Variants in DCLK1 observed in about 807,000 individuals in gnomAD.
DCLK1 encodes serine/threonine-protein kinase DCLK1.
Under a neutral mutation model 86.2 loss-of-function variants are expected in DCLK1, and 16 were observed. The observed-to-expected ratio is 0.19, with a 90% confidence interval of 0.13 to 0.28. DCLK1 has a LOEUF of 0.28. Among genes scored for constraint, DCLK1 ranks in the 10% least tolerant of loss-of-function variants. The pLI, the probability that DCLK1 is intolerant of heterozygous loss-of-function variation, is 1.00. For synonymous variants in DCLK1, 369 were observed against 370.5 expected (o/e 1.00, Z 0.05); for missense variants, 590 against 940.2 (o/e 0.63, Z 4.87).
intron 4 of DCLK1, among the ~76,000 whole-genome samples, chr13:35,876,466 TCCAA>T (rs1872598381): frequency 6.6e-6 from 1 of 152,128 alleles, no homozygotes; most frequent in African/African-American, 2.4e-5. Context: ...AAACAAAAAC[TCCAA>T]CCATCTTTCC....
intron 3 of DCLK1, among the ~76,000 whole-genome samples, chr13:36,005,176 G>A (rs1283912460): frequency 6.6e-6 from 1 of 152,044 alleles, no homozygotes; most frequent in Non-Finnish European, 1.5e-5. Context: ...TTTCACATGT[G>A]TCCTGAAACA....
intron 3 of DCLK1, among the ~76,000 whole-genome samples, chr13:35,950,152 C>A (rs148912401): frequency 1.2e-4 from 19 of 152,306 alleles, no homozygotes; most frequent in African/African-American, 4.1e-4. Context: ...CAGTAGATCA[C>A]ATTCAACTTT....
At chr13:36,040,766 T>C (rs980881977) in intron 3 of DCLK1, among the ~76,000 whole-genome samples, 7 of 152,086 alleles carry the variant, frequency 4.6e-5, no homozygotes, top group African/African-American at 1.7e-4. Context: ...TACTACCTAT[T>C]CAATCTATTT....
intron 5 of DCLK1, among the ~76,000 whole-genome samples, chr13:35,858,339 G>C (rs1871194854): frequency 6.6e-6 from 1 of 152,194 alleles, no homozygotes; most frequent in Non-Finnish European, 1.5e-5. Flanking sequence ...AGGACAGAGA[G>C]TTTGGACACT....
intron 2 of DCLK1, 51 bp from the exon 3 acceptor site, chr13:36,112,266 T>C: frequency 2.2e-6 from 3 of 1,366,018 alleles, no homozygotes; most frequent in Non-Finnish European, 2.9e-6. Context: ...TGCCCATTTC[T>C]TTTTTCCTAC....
intron 3 of DCLK1, among the ~76,000 whole-genome samples, chr13:36,048,559 C>G (rs1883012716): frequency 6.6e-6 from 1 of 152,240 alleles, no homozygotes. Flanking sequence ...CCCTCTGAAC[C>G]ATTTGGCAGA....
intron 6 of DCLK1, among the ~76,000 whole-genome samples, chr13:35,843,191 T>C (rs1869937870): frequency 6.6e-6 from 1 of 152,222 alleles, no homozygotes; most frequent in Non-Finnish European, 1.5e-5. Flanking sequence ...TTATGTTTGC[T>C]TCAATTCGCT....
At chr13:35,906,691 A>G (rs1416831162) in intron 4 of DCLK1, among the ~76,000 whole-genome samples, 1 of 152,156 alleles carries the variant, frequency 6.6e-6, no homozygotes, top group Non-Finnish European at 1.5e-5. Context: ...GAACTCTGAA[A>G]CCCTCAAGTC....
At chr13:36,088,589 G>A (rs1884700028) in intron 3 of DCLK1, among the ~76,000 whole-genome samples, 1 of 152,254 alleles carries the variant, frequency 6.6e-6, no homozygotes, top group Non-Finnish European at 1.5e-5. Context: ...CAGGTTGTAA[G>A]ATGGCAAATG....
At chr13:35,979,261 G>A (rs1879519270) in intron 3 of DCLK1, among the ~76,000 whole-genome samples, 1 of 151,592 alleles carries the variant, frequency 6.6e-6, no homozygotes. Flanking sequence ...ACTATTAAAA[G>A]TAAAAGAATA....
chr13:35,848,503 G>A, intron 6 of DCLK1: 1 of 985,296 alleles, frequency 1.0e-6, no homozygotes, highest in Non-Finnish European at 1.2e-6. Context: ...GCTGTGGAAA[G>A]CACTTCCCTT....
intron 3 of DCLK1, among the ~76,000 whole-genome samples, chr13:36,084,955 T>C (rs1884542372): frequency 6.6e-6 from 1 of 152,194 alleles, no homozygotes; most frequent in Admixed American, 6.5e-5. Context: ...TCCATAAATA[T>C]GTATACATTG....
intron 4 of DCLK1, among the ~76,000 whole-genome samples, chr13:35,918,925 C>A (rs1412748404): frequency 4.1e-5 from 1 of 24,430 alleles, no homozygotes; most frequent in African/African-American, 8.4e-5. Flanking sequence ...CGGAGTCTCA[C>A]TCACTCTGTC....
rs568188958 is a variant in DCLK1 at position 35,838,496 on chromosome 13, C to T, written c.1120+596G>A. Among the ~76,000 whole-genome samples the T allele has an allele frequency of 3.1e-4, 47 of 152,244 alleles. 1 individual carries two copies. The highest frequency in any genetic ancestry group is 7.0e-4 in the African/African-American group (29 of 41,538). ...CCATTTCATAGGAGAGGAAGTAAGA[C>T]GCAGAGAGTTGAAAATGCTTGTCCA... On this transcript the variant is annotated intron_variant, in intron 7 of 16. Coordinates refer to ENST00000360631, the MANE Select transcript of DCLK1 (RefSeq NM_001330071.2).
At chr13:35,918,671 C>CA (rs1875578174) in intron 4 of DCLK1, among the ~76,000 whole-genome samples, 3 of 151,982 alleles carry the variant, frequency 2.0e-5, no homozygotes, top group Admixed American at 6.6e-5. Flanking sequence ...AGTGAACCCC[C>CA]AGGAAATCGC....
At chr13:35,888,988 T>C (rs1176046590) in intron 4 of DCLK1, among the ~76,000 whole-genome samples, 2 of 143,146 alleles carry the variant, frequency 1.4e-5, no homozygotes, top group Non-Finnish European at 3.2e-5. Flanking sequence ...CATGGCAGAA[T>C]TTTTTTCCTT....
chr13:35,950,699 C>T (rs749701192), intron 3 of DCLK1, among the ~76,000 whole-genome samples: 10 of 152,136 alleles, frequency 6.6e-5, no homozygotes, highest in Non-Finnish European at 1.2e-4. Flanking sequence ...ACAGGGCAGA[C>T]GCAAAGGCAG....
chr13:35,802,713 TAAC>T lies in DCLK1; in HGVS notation c.1944+2983_1944+2985del, dbSNP rs904306410. ...TTTGAGCAAAGATAAAATGCCTAAA[TAAC>T]AACAAGGATGACTTGCAAAGGATGA... On this transcript the variant is annotated intron_variant, in intron 15 of 16. Transcript: ENST00000360631. Among the ~76,000 whole-genome samples, 35 of 152,072 alleles carry T rather than the reference TAAC, an allele frequency of 2.3e-4. 1 individual carries two copies. Among genetic ancestry groups the T allele is most frequent in the African/African-American group, 8.2e-4 (34 of 41,486 alleles).
At chr13:36,065,085 T>C (rs967715263) in intron 3 of DCLK1, among the ~76,000 whole-genome samples, 1 of 152,218 alleles carries the variant, frequency 6.6e-6, no homozygotes, top group African/African-American at 2.4e-5. Flanking sequence ...ATGGAAAGCA[T>C]GAACACAAAA....
Sources: allele counts gnomAD v4.1 joint callset (sites outside exome capture counted in the v4.1 genomes callset), GRCh38; gene constraint gnomAD v4.1.1; transcripts MANE v1.5; gene names NCBI Gene and HGNC (gene_info 2026-07-23, HGNC 2026-07-21).